The following GPATCH2 variants were observed in gnomAD, a reference collection of about 807,000 sequenced individuals.
The protein encoded by GPATCH2 is G-patch domain containing 2.
A neutral mutation model predicts 58.0 loss-of-function variants in GPATCH2; 51 were observed. The observed-to-expected ratio is 0.88, with a 90% CI of 0.70 to 1.11. The LOEUF (loss-of-function observed/expected upper bound fraction) is 1.11. Ranked by LOEUF, GPATCH2 falls within the 50% of genes most tolerant of loss-of-function variation. The pLI is 0.00. For synonymous variants in GPATCH2, 222 were observed against 218.5 expected, an observed-to-expected ratio of 1.02 and a Z score of -0.14; for missense variants, 625 against 652.2, an observed-to-expected ratio of 0.96 and a Z score of 0.45.
chr1:217,523,566 T>G (rs1373736532), intron 5 of GPATCH2, among the ~76,000 whole-genome samples: 2 of 151,652 alleles, frequency 1.3e-5, no homozygotes, highest in African/African-American at 4.9e-5. Context: ...GTCTCCCATG[T>G]CTACCTCTTT....
chr1:217,446,438 A>C (rs1481343076), intron 9 of GPATCH2, among the ~76,000 whole-genome samples: 1 of 152,134 alleles, frequency 6.6e-6, no homozygotes, highest in Non-Finnish European at 1.5e-5. Context: ...GTATTTATGC[A>C]AAACCATTTC....
At chr1:217,441,253 G>A (rs1023300680) in intron 9 of GPATCH2, among the ~76,000 whole-genome samples, 4 of 152,120 alleles carry the variant, frequency 2.6e-5, no homozygotes, top group Non-Finnish European at 5.9e-5. Context: ...CAAGCAATGG[G>A]GAAAGGATTC....
chr1:217,592,034 TAAAG>T lies in GPATCH2; in HGVS notation c.1098+18283_1098+18286del, dbSNP rs373812343. On this transcript the variant is annotated intron_variant, in intron 5 of 9. Coordinates refer to ENST00000366935, the MANE Select transcript of GPATCH2 (RefSeq NM_018040.5). Reference sequence around the variant, plus strand: ...AAAAAAAATGAACAAGTTCACAACTTAAAGAAAGAACTATTTTTTGATGAACAAG... The same window carrying T: ...AAAAAAAATGAACAAGTTCACAACTTAAAGAACTATTTTTTGATGAACAAG... 6.6e-3 allele frequency among the ~76,000 whole-genome samples: 1,009 copies of T among 152,076 alleles called. 9 individuals carry two copies. Among genetic ancestry groups the T allele is most frequent in the African/African-American group, 0.022 (902 of 41,552 alleles).
chr1:217,594,887 T>C (rs1667752693), intron 5 of GPATCH2, among the ~76,000 whole-genome samples: 1 of 152,122 alleles, frequency 6.6e-6, no homozygotes, highest in African/African-American at 2.4e-5. Context: ...CTGGGAGTTA[T>C]ACATTGGGAG....
At chr1:217,462,107 T>C (rs1370251657) in intron 8 of GPATCH2, among the ~76,000 whole-genome samples, 1 of 152,196 alleles carries the variant, frequency 6.6e-6, no homozygotes, top group Middle Eastern at 3.2e-3. Flanking sequence ...CATTAAGATC[T>C]TTGAACCAAA....
At chr1:217,591,909 C>T (rs1302146621) in intron 5 of GPATCH2, among the ~76,000 whole-genome samples, 1 of 151,928 alleles carries the variant, frequency 6.6e-6, no homozygotes, top group Admixed American at 6.5e-5. Flanking sequence ...AAAGTTTTTA[C>T]AGCTAGCTAA....
chr1:217,567,584 T>C (rs1666312030), intron 5 of GPATCH2, among the ~76,000 whole-genome samples: 2 of 152,188 alleles, frequency 1.3e-5, no homozygotes, highest in Admixed American at 1.3e-4. Flanking sequence ...CACACAGACA[T>C]AATGCAGGAG....
intron 9 of GPATCH2, among the ~76,000 whole-genome samples, chr1:217,434,701 T>C (rs1245007657): frequency 6.6e-6 from 1 of 152,206 alleles, no homozygotes; most frequent in Non-Finnish European, 1.5e-5. Flanking sequence ...TCTAAAAAAC[T>C]GCTAAATTAT....
chr1:217,542,947 A>T (rs959298939), intron 5 of GPATCH2, among the ~76,000 whole-genome samples: 10 of 152,062 alleles, frequency 6.6e-5, no homozygotes, highest in African/African-American at 2.4e-4. Context: ...CAGCTCACTA[A>T]AGAGAGTAAT....
intron 8 of GPATCH2, among the ~76,000 whole-genome samples, chr1:217,451,666 A>G (rs1327617272): frequency 6.6e-6 from 1 of 152,216 alleles, no homozygotes; most frequent in African/African-American, 2.4e-5. Context: ...TCCCCTTAGC[A>G]AAAGACTGGA....
intron 8 of GPATCH2, among the ~76,000 whole-genome samples, chr1:217,458,269 A>G (rs1660047666): frequency 6.6e-6 from 1 of 152,136 alleles, no homozygotes; most frequent in South Asian, 2.1e-4. Flanking sequence ...GGTATGCTTC[A>G]TGCTTTATCT....
chr1:217,569,520 C>A (rs1365931557), intron 5 of GPATCH2, among the ~76,000 whole-genome samples: 1 of 151,642 alleles, frequency 6.6e-6, no homozygotes, highest in African/African-American at 2.4e-5. Context: ...CGTGGCGAAA[C>A]CCCGCCTCTA....
intron 8 of GPATCH2, among the ~76,000 whole-genome samples, chr1:217,473,241 C>G (rs181335763): frequency 5.9e-5 from 9 of 151,364 alleles, no homozygotes; most frequent in Admixed American, 5.3e-4. Flanking sequence ...GTATTTCTGT[C>G]TAAAAAACAC....
chr1:217,462,077 T>G (rs901910912), intron 8 of GPATCH2, among the ~76,000 whole-genome samples: 5 of 152,166 alleles, frequency 3.3e-5, no homozygotes, highest in African/African-American at 1.2e-4. Context: ...AGCATTAACT[T>G]ATATTCAGGA....
intron 5 of GPATCH2, among the ~76,000 whole-genome samples, chr1:217,566,918 TGTG>T (rs1666264105): frequency 6.6e-6 from 1 of 152,170 alleles, no homozygotes; most frequent in Admixed American, 6.5e-5. Context: ...ATGAGAAACT[TGTG>T]GTTGGAAAAT....
At chr1:217,563,164 T>G (rs1666013851) in intron 5 of GPATCH2, among the ~76,000 whole-genome samples, 1 of 152,216 alleles carries the variant, frequency 6.6e-6, no homozygotes, top group Non-Finnish European at 1.5e-5. Flanking sequence ...TGAATTCCTT[T>G]GCAGAATTTT....
chr1:217,475,282 T>C (rs978721190), intron 8 of GPATCH2, among the ~76,000 whole-genome samples: 7 of 151,948 alleles, frequency 4.6e-5, no homozygotes, highest in Non-Finnish European at 1.5e-5. Flanking sequence ...CTACTAAAAA[T>C]ACAAAAATTA....
chr1:217,481,868 C>T (rs1395900846), intron 8 of GPATCH2, among the ~76,000 whole-genome samples: 1 of 151,726 alleles, frequency 6.6e-6, no homozygotes, highest in Admixed American at 6.6e-5. Flanking sequence ...CTCAAAAAGC[C>T]CAAAAAACAA....
chr1:217,506,785 T>A (rs1430860135), intron 6 of GPATCH2, among the ~76,000 whole-genome samples: 2 of 152,190 alleles, frequency 1.3e-5, no homozygotes, highest in Admixed American at 1.3e-4. Flanking sequence ...CAATATGCTT[T>A]AGCATAAGAA....
Sources: gnomAD v4.1 joint callset for allele counts (sites outside exome capture counted in the v4.1 genomes callset) on GRCh38, gnomAD v4.1.1 for gene constraint, MANE v1.5 for transcripts, NCBI Gene and HGNC (gene_info 2026-07-23, HGNC 2026-07-21) for gene names.